PRKG1: variants seen among roughly 807,000 people sequenced by gnomAD.
The protein encoded by PRKG1 is cGMP-dependent protein kinase 1.
In PRKG1, 35 loss-of-function variants were observed where a neutral mutation model predicts 88.1. The observed-to-expected ratio is 0.40, with a 90% CI of 0.30 to 0.53. PRKG1 has a LOEUF of 0.53. PRKG1 is among the 20% of genes least tolerant of loss of function. The pLI is 0.59. For missense variants in PRKG1, 540 were observed against 839.8 expected, an observed-to-expected ratio of 0.64 and a Z score of 4.41; for synonymous variants, 303 against 292.5, an observed-to-expected ratio of 1.04 and a Z score of -0.37.
intron 2 of PRKG1, among the ~76,000 whole-genome samples, chr10:51,463,855 A>G (rs1274637129): frequency 2.0e-5 from 3 of 152,216 alleles, no homozygotes; most frequent in Non-Finnish European, 4.4e-5. Context: ...TGCCTCCTTG[A>G]ATTAGCCATT....
At position 51,264,301 on chromosome 10, in the gene PRKG1, C is replaced by A. The variant is rs1839786910; in HGVS notation, c.478+110971C>A. Among the ~76,000 whole-genome samples, 4 of 152,144 alleles carry A rather than the reference C, an allele frequency of 2.6e-5. No homozygotes were observed. The South Asian group carries it at 8.3e-4, about 31-fold the overall frequency. ...GAGTATGCTCCAGGAACTTTAATTA[C>A]AATGATGTAGCAAACAAAATTCTCG... is the stretch of plus-strand genomic sequence containing the variant. On this transcript the variant is annotated intron_variant, in intron 2 of 17. Coordinates refer to ENST00000373980, the MANE Select transcript of PRKG1 (RefSeq NM_006258.4).
chr10:51,721,106 A>G (rs1842001304), intron 3 of PRKG1, among the ~76,000 whole-genome samples: 2 of 151,840 alleles, frequency 1.3e-5, no homozygotes. Context: ...CCGGCTAACT[A>G]CAAGGCTGAG....
At chr10:51,334,840 G>C (rs761551021) in intron 2 of PRKG1, among the ~76,000 whole-genome samples, 24 of 152,232 alleles carry the variant, frequency 1.6e-4, no homozygotes, top group Middle Eastern at 6.8e-3. Context: ...AGCAGAGGCA[G>C]AGGGAATCAG....
At chr10:51,925,170 A>G (rs1036311810) in intron 5 of PRKG1, among the ~76,000 whole-genome samples, 2 of 147,454 alleles carry the variant, frequency 1.4e-5, no homozygotes, top group Non-Finnish European at 3.0e-5. Flanking sequence ...AGTAAAAGAA[A>G]TTGAAGTGGA....
intron 7 of PRKG1, among the ~76,000 whole-genome samples, chr10:52,109,604 TAAAAATACAAAAATTA>T (rs1564472560): frequency 2.6e-5 from 4 of 151,114 alleles, no homozygotes; most frequent in African/African-American, 9.7e-5. Flanking sequence ...CCATCCCTAC[TAAAAATACAAAAATTA>T]GCTGGGAGTG....
chr10:52,001,441 C>T (rs985451739), intron 5 of PRKG1, among the ~76,000 whole-genome samples: 1 of 151,420 alleles, frequency 6.6e-6, no homozygotes, highest in African/African-American at 2.4e-5. Context: ...ATGTATATAC[C>T]TACATCCAAA....
intron 4 of PRKG1, among the ~76,000 whole-genome samples, chr10:51,853,364 A>G (rs1332042319): frequency 6.6e-6 from 1 of 152,158 alleles, no homozygotes; most frequent in African/African-American, 2.4e-5. Flanking sequence ...CCAAATGAAA[A>G]ATCAGTGTTT....
At chr10:51,201,910 G>A (rs138370076) in intron 2 of PRKG1, among the ~76,000 whole-genome samples, 1 of 152,238 alleles carries the variant, frequency 6.6e-6, no homozygotes, top group South Asian at 2.1e-4. Context: ...CTGACAGACA[G>A]CAAGTGAACA....
At position 51,763,233 on chromosome 10, in the gene PRKG1, T is replaced by A. The variant is rs552915390; in HGVS notation, c.593-41352T>A. ...GTTATATGTATATTTTTAATTTTTT[T>A]AAATTTTTTTATTTTAGAGACAGGA... On this transcript the variant is annotated intron_variant, in intron 3 of 17. Coordinates refer to ENST00000373980, the MANE Select transcript of PRKG1 (RefSeq NM_006258.4). 4.6e-5 allele frequency among the ~76,000 whole-genome samples: 7 copies of A among 152,238 alleles called. No individual in the cohort carries two copies. The South Asian group carries it at 1.4e-3, about 32-fold the overall frequency.
At chr10:51,546,554 A>G (rs1293137466) in intron 3 of PRKG1, among the ~76,000 whole-genome samples, 2 of 152,104 alleles carry the variant, frequency 1.3e-5, no homozygotes, top group Non-Finnish European at 2.9e-5. Flanking sequence ...TGCTACAAAT[A>G]GTTTATTTTA....
intron 5 of PRKG1, among the ~76,000 whole-genome samples, chr10:51,953,536 A>T (rs1843233507): frequency 6.6e-6 from 1 of 152,138 alleles, no homozygotes; most frequent in Admixed American, 6.6e-5. Context: ...CTACTGACCG[A>T]TGAAAAGGAA....
At chr10:51,778,401 C>T (rs1020243660) in intron 3 of PRKG1, among the ~76,000 whole-genome samples, 5 of 152,138 alleles carry the variant, frequency 3.3e-5, no homozygotes, top group Admixed American at 2.6e-4. Flanking sequence ...TACTGACCAG[C>T]AGCAGAAAGC....
intron 3 of PRKG1, among the ~76,000 whole-genome samples, chr10:51,636,604 GA>G (rs1246926546): frequency 1.3e-5 from 2 of 152,100 alleles, no homozygotes; most frequent in Non-Finnish European, 2.9e-5. Flanking sequence ...AAGTGATTTG[GA>G]TATTTCACAT....
At chr10:52,204,981 G>A (rs1384845745) in intron 9 of PRKG1, among the ~76,000 whole-genome samples, 1 of 152,040 alleles carries the variant, frequency 6.6e-6, no homozygotes, top group African/African-American at 2.4e-5. Flanking sequence ...ACAGCCCTGG[G>A]AAAAGAATGC....
chr10:51,957,681 A>G (rs752280585), intron 5 of PRKG1, among the ~76,000 whole-genome samples: 1 of 152,228 alleles, frequency 6.6e-6, no homozygotes, highest in Non-Finnish European at 1.5e-5. Context: ...TTTCTTTTCC[A>G]GAATAAGAGA....
chr10:51,832,515 T>C (rs1404501981), intron 4 of PRKG1, among the ~76,000 whole-genome samples: 1 of 152,248 alleles, frequency 6.6e-6, no homozygotes, highest in Non-Finnish European at 1.5e-5. Flanking sequence ...TTTTCTTATT[T>C]TTTCAAGCAT....
intron 7 of PRKG1, among the ~76,000 whole-genome samples, chr10:52,110,877 G>A (rs764384668): frequency 2.0e-5 from 3 of 152,102 alleles, no homozygotes; most frequent in Admixed American, 6.5e-5. Context: ...ATCCTCTTAG[G>A]AAGGGTAAAT....
intron 3 of PRKG1, among the ~76,000 whole-genome samples, chr10:51,675,331 G>A (rs761063048): frequency 2.6e-4 from 40 of 152,174 alleles, no homozygotes; most frequent in Non-Finnish European, 3.2e-4. Context: ...AGGAATGTGT[G>A]TACACAAATA....
intron 2 of PRKG1, among the ~76,000 whole-genome samples, chr10:51,456,233 C>G (rs1839580939): frequency 6.8e-6 from 1 of 147,708 alleles, no homozygotes; most frequent in African/African-American, 2.5e-5. Context: ...ATGGGGGAAA[C>G]CGCCCCCCAT....
Sources: allele counts gnomAD v4.1 joint callset (sites outside exome capture counted in the v4.1 genomes callset), GRCh38; gene constraint gnomAD v4.1.1; transcripts MANE v1.5; gene names NCBI Gene and HGNC (gene_info 2026-07-23, HGNC 2026-07-21).